The following TMEM232 variants were observed in gnomAD, a reference collection of about 807,000 sequenced individuals.
TMEM232 encodes transmembrane protein 232.
Under a neutral mutation model 78.8 loss-of-function variants are expected in TMEM232, and 80 were observed. That is an observed-to-expected ratio of 1.01 (90% CI 0.85 to 1.22). The LOEUF is 1.22. TMEM232 is among the 50% of genes most tolerant of loss of function. The pLI is 0.00. For missense variants in TMEM232, 881 were observed against 742.2 expected (o/e 1.19, Z -2.17); for synonymous variants, 297 against 254.3 (o/e 1.17, Z -1.60).
At chr5:110,696,739 T>G (rs912319514) in intron 1 of TMEM232, among the ~76,000 whole-genome samples, 2 of 152,020 alleles carry the variant, frequency 1.3e-5, no homozygotes, top group Non-Finnish European at 2.9e-5. Flanking sequence ...ATCCAACTTA[T>G]AAGGGATGGG....
intron 10 of TMEM232, among the ~76,000 whole-genome samples, chr5:110,589,397 G>A (rs1779231148): frequency 6.6e-6 from 1 of 152,108 alleles, no homozygotes; most frequent in South Asian, 2.1e-4. Context: ...AGGGTCTGTG[G>A]CAAATAATGC....
At chr5:110,459,077 G>C (rs1761208959) in intron 12 of TMEM232, among the ~76,000 whole-genome samples, 1 of 152,140 alleles carries the variant, frequency 6.6e-6, no homozygotes, top group African/African-American at 2.4e-5. Context: ...GGCATCTTCA[G>C]AACTGAGCTA....
In TMEM232 at chr5:110,647,951, C is replaced by T. The variant is rs113782754; in HGVS notation, c.126-5580G>A. Among the ~76,000 whole-genome samples, 872 of 152,008 alleles carry T rather than the reference C, an allele frequency of 5.7e-3. 5 individuals are homozygous for T. Among genetic ancestry groups the T allele is most frequent in the African/African-American group, 0.02 (815 of 41,522 alleles). ...ATATCATTATTTTATTACTATAAGA[C>T]TGTGTCTTCCAAAAAATGAATTAGA... On this transcript the variant is annotated intron_variant, in intron 2 of 13. Transcript: ENST00000455884.
At chr5:110,476,381 A>C (rs945951195) in intron 12 of TMEM232, among the ~76,000 whole-genome samples, 6 of 151,948 alleles carry the variant, frequency 3.9e-5, no homozygotes, top group African/African-American at 1.4e-4. Context: ...GAAGGCAGCT[A>C]TTTTACAAGT....
chr5:110,410,150 T>C (rs1755937891), intron 2 of TMEM232, among the ~76,000 whole-genome samples: 1 of 152,158 alleles, frequency 6.6e-6, no homozygotes, highest in African/African-American at 2.4e-5. Context: ...TACAGCCTGC[T>C]TTCCTTTCTC....
intron 11 of TMEM232, among the ~76,000 whole-genome samples, chr5:110,532,790 C>T (rs991688978): frequency 1.3e-5 from 2 of 152,078 alleles, no homozygotes; most frequent in Non-Finnish European, 2.9e-5. Context: ...CTTACCATCT[C>T]ATTAAAACCT....
intron 8 of TMEM232, among the ~76,000 whole-genome samples, chr5:110,614,020 A>C (rs1032644657): frequency 1.3e-5 from 2 of 152,130 alleles, no homozygotes; most frequent in Admixed American, 1.3e-4. Context: ...TTTTAAAAAA[A>C]AGATTAAATC....
At chr5:110,699,950 C>T (rs1795238998) in intron 1 of TMEM232, among the ~76,000 whole-genome samples, 1 of 152,032 alleles carries the variant, frequency 6.6e-6, no homozygotes, top group African/African-American at 2.4e-5. Flanking sequence ...GAAATTCAAT[C>T]TAACCACCAG....
At chr5:110,614,526 A>T (rs2149874027) in intron 8 of TMEM232, among the ~76,000 whole-genome samples, 1 of 152,218 alleles carries the variant, frequency 6.6e-6, no homozygotes, top group Non-Finnish European at 1.5e-5. Flanking sequence ...ATAGACGTGG[A>T]TGCAATACAG....
chr5:110,478,299 C>T (rs1315046348), intron 12 of TMEM232, among the ~76,000 whole-genome samples: 1 of 151,836 alleles, frequency 6.6e-6, no homozygotes, highest in East Asian at 1.9e-4. Context: ...CAGATAATAA[C>T]CATAAATTTA....
chr5:110,521,930 T>G (rs1404276863), intron 12 of TMEM232, among the ~76,000 whole-genome samples: 4 of 152,324 alleles, frequency 2.6e-5, no homozygotes, highest in African/African-American at 7.2e-5. Flanking sequence ...CAAGATTGAT[T>G]TGGCTATTCA....
intron 11 of TMEM232, among the ~76,000 whole-genome samples, chr5:110,550,239 A>C (rs890960364): frequency 6.6e-6 from 1 of 152,188 alleles, no homozygotes; most frequent in South Asian, 2.1e-4. Flanking sequence ...TATTTGGTAA[A>C]ATTCTATATC....
chr5:110,482,071 C>G (rs1034737489), intron 12 of TMEM232, among the ~76,000 whole-genome samples: 4 of 151,862 alleles, frequency 2.6e-5, no homozygotes, highest in African/African-American at 9.7e-5. Flanking sequence ...ATATTTGAGT[C>G]AAAGAACCAA....
intron 2 of TMEM232, among the ~76,000 whole-genome samples, chr5:110,646,663 C>T (rs141802079): frequency 3.2e-4 from 49 of 151,754 alleles, no homozygotes; most frequent in African/African-American, 1.2e-3. Context: ...CCACTATGAA[C>T]CCAAAAGCAA....
intron 12 of TMEM232, among the ~76,000 whole-genome samples, chr5:110,500,070 A>C (rs1480922845): frequency 6.6e-6 from 1 of 151,922 alleles, no homozygotes; most frequent in Non-Finnish European, 1.5e-5. Context: ...GGCGGGTGGG[A>C]CACCTAAGGT....
intron 8 of TMEM232, chr5:110,617,944 A>C (rs1783146359): frequency 6.3e-6 from 1 of 158,614 alleles, no homozygotes; most frequent in South Asian, 1.9e-4. Context: ...TGGAGGTTGC[A>C]GTAAGCGGAG....
intron 11 of TMEM232, among the ~76,000 whole-genome samples, chr5:110,548,408 CA>C (rs1436501649): frequency 2.0e-5 from 3 of 149,262 alleles, no homozygotes; most frequent in Admixed American, 6.7e-5. Context: ...TATTATAAGA[CA>C]TTTTCATGGT....
intron 1 of TMEM232, among the ~76,000 whole-genome samples, chr5:110,694,866 C>T (rs1043777950): frequency 2.6e-5 from 4 of 152,086 alleles, no homozygotes; most frequent in African/African-American, 4.8e-5. Context: ...GACTTTAACA[C>T]CCCACTGTCA....
At chr5:110,506,544 G>A (rs1278231516) in intron 12 of TMEM232, among the ~76,000 whole-genome samples, 4 of 152,218 alleles carry the variant, frequency 2.6e-5, no homozygotes, top group African/African-American at 9.6e-5. Context: ...AATCCTAAAG[G>A]AAGTTTCAGG....
Sources: allele counts gnomAD v4.1 joint callset (sites outside exome capture counted in the v4.1 genomes callset), GRCh38; gene constraint gnomAD v4.1.1; transcripts MANE v1.5; gene names NCBI Gene and HGNC (gene_info 2026-07-23, HGNC 2026-07-21).